PPM1B: variants seen among roughly 807,000 people sequenced by gnomAD.
PPM1B encodes protein phosphatase, Mg2+/Mn2+ dependent 1B.
In PPM1B, 22 loss-of-function variants were observed where a neutral mutation model predicts 43.0. The observed-to-expected ratio is 0.51, with a 90% CI of 0.37 to 0.73. PPM1B has a LOEUF of 0.73. PPM1B is among the 30% of genes least tolerant of loss of function. PPM1B has a pLI of 0.00. For synonymous variants in PPM1B, 217 were observed against 197.9 expected (o/e 1.10, Z -0.81); for missense variants, 632 against 584.2 (o/e 1.08, Z -0.84).
At chr2:44,208,167 C>T (rs1388508016) in intron 2 of PPM1B, among the ~76,000 whole-genome samples, 1 of 151,896 alleles carries the variant, frequency 6.6e-6, no homozygotes, top group Non-Finnish European at 1.5e-5. Context: ...GGATTACAGG[C>T]GTGAGCCACC....
Position 44,241,014 on chromosome 2 carries a change from T to A in PPM1B, n.1547-3214T>A, listed in dbSNP as rs1051743788. Among the ~76,000 whole-genome samples the A allele has an allele frequency of 3.4e-4, 49 of 144,394 alleles. 6 individuals are homozygous for A. Among genetic ancestry groups the A allele is most frequent in the African/African-American group, 4.0e-4 (16 of 40,474 alleles). The allele number at this position is 144,394 out of a possible 152,430, so 94.7% of individuals were successfully genotyped here. ...GAAGCATCTTTATTTTTATTTTTTT[T>A]TTTTTTGAGACGGAGTTTCACTCTT... On this transcript the variant is annotated intron_variant and non_coding_transcript_variant, in intron 5 of 5. Transcript: ENST00000378540.
chr2:44,176,904 C>T (rs1667608545), intron 1 of PPM1B, among the ~76,000 whole-genome samples: 1 of 152,172 alleles, frequency 6.6e-6, no homozygotes, highest in Non-Finnish European at 1.5e-5. Flanking sequence ...CCTCAGCCTC[C>T]CAAGTAGCTG....
At chr2:44,179,780 G>C (rs1030120292) in intron 1 of PPM1B, among the ~76,000 whole-genome samples, 2 of 152,016 alleles carry the variant, frequency 1.3e-5, no homozygotes, top group African/African-American at 2.4e-5. Flanking sequence ...AGGCCGAGGC[G>C]GGTGGATCAC....
At chr2:44,207,906 T>A (rs1669266163) in intron 2 of PPM1B, among the ~76,000 whole-genome samples, 1 of 149,112 alleles carries the variant, frequency 6.7e-6, no homozygotes, top group South Asian at 2.1e-4. Context: ...TTTTTTTTTT[T>A]TGGAGACAGT....
rs1166999126 is a variant in PPM1B, at chr2:44,171,091, G to C, written c.-15+1817G>C. Among the ~76,000 whole-genome samples, 3 of 152,120 alleles carry C rather than the reference G, an allele frequency of 2.0e-5. No individual in the cohort carries two copies. The East Asian group carries it at 5.8e-4, about 29-fold the overall frequency. On this transcript the variant is annotated intron_variant, in intron 1 of 5. Transcript: ENST00000282412. ...TTTTATTTGAGCTTTCATACTGTAA[G>C]ATTTCCCCAGTTTCTAGTACATTAT... is the stretch of plus-strand genomic sequence containing the variant.
Position 44,231,209 on chromosome 2 carries a change from G to T in PPM1B, c.*491G>T. On this transcript the variant is annotated 3_prime_UTR_variant, in exon 6 of 6. Transcript: ENST00000282412. ...ATTTTTCTTTCAAGGATGATAATTT[G>T]TGTGTTGTTTGATTTGTTTATATTT... is the stretch of plus-strand genomic sequence containing the variant. The T allele has an allele frequency of 1.0e-6, 1 of 984,296 alleles. No homozygotes were observed. Among genetic ancestry groups the T allele is most frequent in the Non-Finnish European group, 1.2e-6 (1 of 828,922 alleles). The allele number at this position is 984,296 out of a possible 1,614,324, so 61.0% of individuals were successfully genotyped here.
At chr2:44,212,269 A>G (rs988554354) in intron 3 of PPM1B, among the ~76,000 whole-genome samples, 5 of 152,026 alleles carry the variant, frequency 3.3e-5, no homozygotes, top group Admixed American at 1.3e-4. Context: ...CTCCCTTTTC[A>G]TATTTATAAC....
intron 3 of PPM1B, among the ~76,000 whole-genome samples, chr2:44,212,122 G>C (rs938654428): frequency 2.6e-5 from 4 of 152,140 alleles, no homozygotes; most frequent in Non-Finnish European, 4.4e-5. Flanking sequence ...TTGTTTATAT[G>C]AGCACAGACT....
In PPM1B at chr2:44,218,467, T is replaced by G. The variant is rs79930175; in HGVS notation, c.1077-13T>G. 3 of 1,468,518 alleles carry G rather than the reference T, an allele frequency of 2.0e-6. No homozygotes were observed. In the South Asian group the frequency reaches 4.0e-5, roughly 20 times the overall value. 91.0% of individuals were successfully genotyped at this position (1,468,518 alleles called of 1,614,324 possible). On this transcript the variant is annotated splice_polypyrimidine_tract_variant and intron_variant, in intron 4 of 5. Coordinates refer to ENST00000282412, the MANE Select transcript of PPM1B (RefSeq NM_002706.6). ...GTAATTTAATAAAACTAAAGCATGTTTTTTTTTTTTAGGCGTAATGTTATT... is the reference window on the plus strand; with the variant it reads ...GTAATTTAATAAAACTAAAGCATGTGTTTTTTTTTTAGGCGTAATGTTATT...
intron 5 of PPM1B, chr2:44,229,975 T>G: frequency 1.3e-6 from 2 of 1,559,050 alleles, no homozygotes; most frequent in Non-Finnish European, 1.7e-6. Context: ...TTATGTTTTG[T>G]ATTTCCTACT....
intron 3 of PPM1B, among the ~76,000 whole-genome samples, chr2:44,213,483 T>C (rs1356022777): frequency 6.6e-6 from 1 of 152,182 alleles, no homozygotes; most frequent in African/African-American, 2.4e-5. Flanking sequence ...GCCACAGTAA[T>C]TGGTGAGAGT....
At chr2:44,192,362 C>T (rs1253639011) in intron 1 of PPM1B, among the ~76,000 whole-genome samples, 1 of 151,896 alleles carries the variant, frequency 6.6e-6, no homozygotes, top group South Asian at 2.1e-4. Context: ...GGATTACAGC[C>T]CACAAACCAT....
intron 1 of PPM1B, among the ~76,000 whole-genome samples, chr2:44,193,216 C>G (rs1376768777): frequency 1.3e-5 from 2 of 152,162 alleles, no homozygotes; most frequent in African/African-American, 2.4e-5. Flanking sequence ...TCTCCATATC[C>G]TTACCAATAC....
intron 1 of PPM1B, among the ~76,000 whole-genome samples, chr2:44,178,392 A>G (rs1174610041): frequency 2.0e-5 from 3 of 150,420 alleles, no homozygotes; most frequent in East Asian, 3.9e-4. Flanking sequence ...GATATTTCCA[A>G]AATTCTCTCC....
downstream of PPM1B, among the ~76,000 whole-genome samples, chr2:44,245,353 G>T (rs986006238): frequency 6.6e-6 from 1 of 152,188 alleles, no homozygotes; most frequent in Admixed American, 6.5e-5. Context: ...CCTCTAGTGT[G>T]AGTGTCAGGA....
chr2:44,241,745 T>A (rs1476838904), intron 5 of PPM1B, among the ~76,000 whole-genome samples: 1 of 151,722 alleles, frequency 6.6e-6, no homozygotes, highest in Non-Finnish European at 1.5e-5. Flanking sequence ...ACATAAAATG[T>A]CTTCAAAATG....
intron 5 of PPM1B, among the ~76,000 whole-genome samples, chr2:44,242,118 A>C (rs1670760843): frequency 6.6e-6 from 1 of 151,984 alleles, no homozygotes. Context: ...TCGGCCTCCC[A>C]AAGTGCTGGG....
At chr2:44,223,660 A>G (rs1233571553) in intron 5 of PPM1B, among the ~76,000 whole-genome samples, 1 of 151,068 alleles carries the variant, frequency 6.6e-6, no homozygotes, top group African/African-American at 2.4e-5. Context: ...ATACAAAAAA[A>G]ACAAAATTAG....
At chr2:44,241,104 A>G (rs1283215166) in intron 5 of PPM1B, among the ~76,000 whole-genome samples, 1 of 143,594 alleles carries the variant, frequency 7.0e-6, no homozygotes, top group African/African-American at 2.5e-5. Flanking sequence ...CCCGGGTTCA[A>G]GTGATTCTCC....
Sources: gnomAD v4.1 joint callset for allele counts (sites outside exome capture counted in the v4.1 genomes callset) on GRCh38, gnomAD v4.1.1 for gene constraint, MANE v1.5 for transcripts, NCBI Gene and HGNC (gene_info 2026-07-23, HGNC 2026-07-21) for gene names.